The following KCTD16 variants were observed in gnomAD, a reference collection of about 807,000 sequenced individuals.
The protein encoded by KCTD16 is BTB/POZ domain-containing protein KCTD16.
A neutral mutation model predicts 33.2 loss-of-function variants in KCTD16; 13 were observed. That is an observed-to-expected ratio of 0.39 (90% CI 0.25 to 0.62). The LOEUF (loss-of-function observed/expected upper bound fraction) is 0.62, where lower values mean the gene tolerates loss of function less well. KCTD16 is among the 20% of genes least tolerant of loss of function. The pLI, the probability that KCTD16 is intolerant of heterozygous loss-of-function variation, is 0.50. For missense variants in KCTD16, 441 were observed against 525.1 expected (o/e 0.84, Z 1.57); for synonymous variants, 197 against 195.3 (o/e 1.01, Z -0.07).
At position 144,390,422 on chromosome 5, in the gene KCTD16, G is replaced by T. The variant is rs191203509; in HGVS notation, c.833-83238G>T. Among the ~76,000 whole-genome samples, 121 of 152,330 alleles carry T rather than the reference G, an allele frequency of 7.9e-4. 1 individual carries two copies. In the East Asian group the frequency reaches 0.022, roughly 28 times the overall value. ...GCTCACAACTGTTGGAAGGTTGTGG[G>T]GTTGGGGAGCTGGGGGGTCAGGCTC... On this transcript the variant is annotated intron_variant, in intron 3 of 3. Coordinates refer to ENST00000512467, the MANE Select transcript of KCTD16 (RefSeq NM_020768.4).
At position 144,342,303 on chromosome 5, in the gene KCTD16, T is replaced by G. The variant is rs568200588; in HGVS notation, c.833-131357T>G. ...AGAGGTCCTTCACGTCCCTTGTAAG[T>G]TGGATTCCTAGGAATTTTATTCTCT... On this transcript the variant is annotated intron_variant, in intron 3 of 3. Coordinates refer to ENST00000512467, the MANE Select transcript of KCTD16 (RefSeq NM_020768.4). Among the ~76,000 whole-genome samples, 5 of 152,316 alleles carry G rather than the reference T, an allele frequency of 3.3e-5. No individual in the cohort carries two copies. The East Asian group carries it at 9.7e-4, about 29-fold the overall frequency.
At chr5:144,397,637 G>T (rs573379196) in intron 3 of KCTD16, among the ~76,000 whole-genome samples, 2 of 152,096 alleles carry the variant, frequency 1.3e-5, no homozygotes, top group Non-Finnish European at 2.9e-5. Flanking sequence ...GTGTGAGATG[G>T]TATCTCATTG....
chr5:144,424,393 C>T, intron 3 of KCTD16, among the ~76,000 whole-genome samples: 1 of 152,268 alleles, frequency 6.6e-6, no homozygotes, highest in East Asian at 1.9e-4. Context: ...TGGGCAGGCT[C>T]ATTCATGTTC....
intron 3 of KCTD16, among the ~76,000 whole-genome samples, chr5:144,429,581 A>G (rs956448538): frequency 6.6e-6 from 1 of 152,118 alleles, no homozygotes; most frequent in Non-Finnish European, 1.5e-5. Flanking sequence ...ATGGTAGGCT[A>G]TGATTGGCAA....
At chr5:144,415,989 AC>A (rs1228340446) in intron 3 of KCTD16, among the ~76,000 whole-genome samples, 1 of 152,208 alleles carries the variant, frequency 6.6e-6, no homozygotes, top group Non-Finnish European at 1.5e-5. Context: ...AGATAATCTT[AC>A]AGTGTAGAAT....
chr5:144,416,906 A>G (rs1753066829), intron 3 of KCTD16, among the ~76,000 whole-genome samples: 1 of 152,100 alleles, frequency 6.6e-6, no homozygotes, highest in Admixed American at 6.5e-5. Context: ...TTTTCCCCTA[A>G]CATAATGTTT....
chr5:144,230,441 G>GT (rs56805017), intron 3 of KCTD16, among the ~76,000 whole-genome samples: 175 of 152,320 alleles, frequency 1.1e-3, no homozygotes, highest in African/African-American at 3.8e-3. Context: ...ATGCTGAAAG[G>GT]TGTGAATCCT....
Position 144,482,683 on chromosome 5 carries a change from ATGTG to A in KCTD16, c.*8572_*8575del, listed in dbSNP as rs1028605317. The A allele has an allele frequency of 2.0e-5, 3 of 151,614 alleles. No individual in the cohort carries two copies. The highest frequency in any genetic ancestry group is 7.3e-5 in the African/African-American group (3 of 41,300). 9.4% of individuals were successfully genotyped at this position (151,614 alleles called of 1,614,324 possible). A position where few individuals can be genotyped will look rare whatever the true frequency, so the allele number is the denominator to read the frequency against. On this transcript the variant is annotated 3_prime_UTR_variant, in exon 4 of 4. Transcript: ENST00000512467. Reference sequence around the variant, plus strand: ...AAACTTCACCGAAATACGTGCATGCATGTGTGAGTGTGTGTGTGTGAGGAGTGTG... The same window carrying A: ...AAACTTCACCGAAATACGTGCATGCATGAGTGTGTGTGTGTGAGGAGTGTG...
chr5:144,225,985 C>A (rs1158310867), intron 3 of KCTD16, among the ~76,000 whole-genome samples: 1 of 152,216 alleles, frequency 6.6e-6, no homozygotes, highest in African/African-American at 2.4e-5. Flanking sequence ...CCTTTCTCAA[C>A]TCCTTTTTCT....
intron 3 of KCTD16, among the ~76,000 whole-genome samples, chr5:144,263,865 C>T (rs906676877): frequency 1.3e-5 from 2 of 152,202 alleles, no homozygotes; most frequent in African/African-American, 2.4e-5. Flanking sequence ...AGGTTCTCAT[C>T]CTTTCTTGCA....
At chr5:144,277,710 C>T (rs1477344666) in intron 3 of KCTD16, among the ~76,000 whole-genome samples, 1 of 152,058 alleles carries the variant, frequency 6.6e-6, no homozygotes, top group Non-Finnish European at 1.5e-5. Flanking sequence ...TGTTTAGATT[C>T]TAACTATTTT....
intron 3 of KCTD16, among the ~76,000 whole-genome samples, chr5:144,328,014 A>G (rs1364208129): frequency 6.6e-6 from 1 of 152,166 alleles, no homozygotes; most frequent in African/African-American, 2.4e-5. Context: ...AAAATGTTTC[A>G]TCAATTAGCC....
At chr5:144,391,924 T>A (rs1356626563) in intron 3 of KCTD16, among the ~76,000 whole-genome samples, 4 of 152,230 alleles carry the variant, frequency 2.6e-5, no homozygotes, top group African/African-American at 9.7e-5. Context: ...GCCTACCCAA[T>A]GACAAGTTGT....
intron 3 of KCTD16, among the ~76,000 whole-genome samples, chr5:144,325,068 C>T (rs1016002292): frequency 3.3e-5 from 5 of 152,100 alleles, no homozygotes; most frequent in East Asian, 1.9e-4. Context: ...ACATGTATCC[C>T]GGAGCTTATA....
intron 3 of KCTD16, among the ~76,000 whole-genome samples, chr5:144,314,484 T>C (rs1431224448): frequency 2.0e-5 from 3 of 151,994 alleles, no homozygotes; most frequent in Non-Finnish European, 2.9e-5. Flanking sequence ...TTAGGAGAGG[T>C]TGGTCAGGTA....
intron 3 of KCTD16, among the ~76,000 whole-genome samples, chr5:144,245,485 A>C (rs1205185856): frequency 6.6e-6 from 1 of 152,202 alleles, no homozygotes; most frequent in Admixed American, 6.5e-5. Flanking sequence ...GGGAGGAAGA[A>C]GAATGACATG....
At chr5:144,465,263 G>A (rs1754301976) in intron 3 of KCTD16, among the ~76,000 whole-genome samples, 1 of 140,648 alleles carries the variant, frequency 7.1e-6, no homozygotes, top group Admixed American at 8.1e-5. Context: ...TCATATTTCA[G>A]GAATCTTCTT....
intron 3 of KCTD16, among the ~76,000 whole-genome samples, chr5:144,340,879 G>A (rs1389580283): frequency 2.0e-5 from 3 of 151,852 alleles, no homozygotes; most frequent in South Asian, 2.1e-4. Flanking sequence ...GTGAAACCCC[G>A]TCTCTACTAA....
At chr5:144,226,920 G>A (rs1197550262) in intron 3 of KCTD16, among the ~76,000 whole-genome samples, 3 of 152,102 alleles carry the variant, frequency 2.0e-5, no homozygotes, top group Non-Finnish European at 4.4e-5. Context: ...TGAGGGTGGT[G>A]TATTTTTTCC....
Sources: gnomAD v4.1 joint callset for allele counts (sites outside exome capture counted in the v4.1 genomes callset) on GRCh38, gnomAD v4.1.1 for gene constraint, MANE v1.5 for transcripts, NCBI Gene and HGNC (gene_info 2026-07-23, HGNC 2026-07-21) for gene names.